The following RAD50 variants were observed in gnomAD, a reference collection of about 807,000 sequenced individuals.
RAD50 encodes the protein RAD50 double strand break repair protein.
In RAD50, 132 loss-of-function variants were observed where a neutral mutation model predicts 168.8. That is an observed-to-expected ratio of 0.78 (90% CI 0.68 to 0.90). The LOEUF (loss-of-function observed/expected upper bound fraction) is 0.90. Ranked by LOEUF, RAD50 falls within the 40% of genes least tolerant of loss-of-function variation. The pLI is 0.00. For synonymous variants in RAD50, 525 were observed against 497.4 expected (o/e 1.06, Z -0.74); for missense variants, 1,347 against 1,534.4 (o/e 0.88, Z 2.04).
At chr5:132,595,167 C>T in intron 12 of RAD50, 123 bp downstream of exon 12, 1 of 1,042,290 alleles carries the variant, frequency 9.6e-7, no homozygotes, top group Non-Finnish European at 1.4e-6. Context: ...GGATTTCAGT[C>T]CTGGCTCTAC....
At chr5:132,557,941 G>C (rs1010900759) in intron 1 of RAD50, among the ~76,000 whole-genome samples, 1 of 151,372 alleles carries the variant, frequency 6.6e-6, no homozygotes, top group Non-Finnish European at 1.5e-5. Flanking sequence ...GATGTAGTGG[G>C]GCTTAACTTG....
chr5:132,580,619 A>T (rs777567691), intron 5 of RAD50, among the ~76,000 whole-genome samples: 13 of 152,224 alleles, frequency 8.5e-5, no homozygotes, highest in Non-Finnish European at 1.6e-4. Context: ...AGAATTTGGA[A>T]TTGATCCATA....
At position 132,643,036 on chromosome 5, in the gene RAD50, G is replaced by A. The variant is rs747831120; in HGVS notation, c.*672G>A. 2 of 529,438 alleles carry A rather than the reference G, an allele frequency of 3.8e-6. No homozygotes were observed. Among genetic ancestry groups the A allele is most frequent in the South Asian group, 3.1e-5 (2 of 65,048 alleles). 32.8% of individuals were successfully genotyped at this position (529,438 alleles called of 1,614,324 possible). On this transcript the variant is annotated 3_prime_UTR_variant, in exon 25 of 25. Coordinates refer to ENST00000378823, the MANE Select transcript of RAD50 (RefSeq NM_005732.4). ...ATCCAGACTCAGAGCTCTCTCTACA[G>A]AGAGGAAATTCTCCACTGTGCACAC... is the stretch of plus-strand genomic sequence containing the variant.
In RAD50 at chr5:132,643,445, A is replaced by G. The variant is rs1378035473; in HGVS notation, c.*1081A>G. On this transcript the variant is annotated 3_prime_UTR_variant, in exon 25 of 25. Coordinates refer to ENST00000378823, the MANE Select transcript of RAD50 (RefSeq NM_005732.4). ...TTGTCATTCAGAGTCAGCCAGGACC[A>G]TACCGGGTCTTGATTCAGTCACATG... is the stretch of plus-strand genomic sequence containing the variant. 2 of 236,140 alleles carry G rather than the reference A, an allele frequency of 8.5e-6. No homozygotes were observed. The highest frequency in any genetic ancestry group is 4.4e-5 in the African/African-American group (2 of 45,824). 14.6% of individuals were successfully genotyped at this position (236,140 alleles called of 1,614,324 possible).
chr5:132,618,474 G>A (rs1253504527), intron 21 of RAD50, among the ~76,000 whole-genome samples, 180 bp downstream of exon 21: 1 of 152,098 alleles, frequency 6.6e-6, no homozygotes, highest in Non-Finnish European at 1.5e-5. Context: ...TGCCTCCCGG[G>A]TTCAAATGAT....
intron 13 of RAD50, among the ~76,000 whole-genome samples, chr5:132,596,124 G>A: frequency 6.6e-6 from 1 of 151,906 alleles, no homozygotes; most frequent in South Asian, 2.1e-4. Flanking sequence ...CTCTTCAGTA[G>A]CTGGGATTAC....
chr5:132,576,199 T>A (rs1750398312), intron 3 of RAD50, among the ~76,000 whole-genome samples: 1 of 152,212 alleles, frequency 6.6e-6, no homozygotes, highest in East Asian at 1.9e-4. Context: ...TTAAATAGAA[T>A]GATCCCATGA....
At chr5:132,571,089 C>T (rs1437989334) in intron 2 of RAD50, among the ~76,000 whole-genome samples, 1 of 151,768 alleles carries the variant, frequency 6.6e-6, no homozygotes, top group East Asian at 1.9e-4. Flanking sequence ...AAGTTCACCT[C>T]TTATATGTGG....
At chr5:132,568,628 A>G (rs576102336) in intron 2 of RAD50, among the ~76,000 whole-genome samples, 1 of 152,348 alleles carries the variant, frequency 6.6e-6, no homozygotes, top group African/African-American at 2.4e-5. Flanking sequence ...AAGAATAATG[A>G]GTATGATTAC....
At chr5:132,561,976 C>T (rs755774089) in intron 2 of RAD50, among the ~76,000 whole-genome samples, 91 of 152,212 alleles carry the variant, frequency 6.0e-4, no homozygotes, top group African/African-American at 2.1e-3. Flanking sequence ...TGCCCTCATT[C>T]TTGAAGCTCT....
chr5:132,597,419 GCTT>G (rs1338376950), intron 13 of RAD50, among the ~76,000 whole-genome samples: 1 of 152,134 alleles, frequency 6.6e-6, no homozygotes, highest in Non-Finnish European at 1.5e-5. Flanking sequence ...AGGTACTATG[GCTT>G]CTTCTGTTCT....
intron 2 of RAD50, among the ~76,000 whole-genome samples, chr5:132,560,612 T>G (rs966227737): frequency 1.3e-5 from 2 of 152,240 alleles, no homozygotes; most frequent in Non-Finnish European, 2.9e-5. Context: ...TGTACATACG[T>G]GCCCATACTG....
In RAD50 at chr5:132,602,025, T is replaced by G. The variant is rs1750898125; in HGVS notation, c.2208-1275T>G. Among the ~76,000 whole-genome samples the G allele has an allele frequency of 2.6e-5, 4 of 152,258 alleles. No homozygotes were observed. The South Asian group carries it at 8.3e-4, about 32-fold the overall frequency. On this transcript the variant is annotated intron_variant, in intron 13 of 24. Coordinates refer to ENST00000378823, the MANE Select transcript of RAD50 (RefSeq NM_005732.4). ...GGATAGCATTAGGAGAAATACCTAA[T>G]GTAGATGATGGGTTCATGGGTGCAG...
intron 22 of RAD50, among the ~76,000 whole-genome samples, chr5:132,637,467 A>G (rs984746673): frequency 6.6e-6 from 1 of 150,884 alleles, no homozygotes; most frequent in East Asian, 1.9e-4. Context: ...TAGTGTAGAT[A>G]GGGATAAGCC....
Position 132,557,040 on chromosome 5 carries a change from G to A in RAD50, c.-285G>A, listed in dbSNP as rs915117151. 1.1e-5 allele frequency: 7 copies of A among 662,284 alleles called. No homozygotes were observed. The highest frequency in any genetic ancestry group is 9.5e-6 in the Non-Finnish European group (4 of 418,900). The allele number at this position is 662,284 out of a possible 1,614,324, so 41.0% of individuals were successfully genotyped here. ...TGCGCGGTTGCGGGGTCGCATTGTG[G>A]CTACGGCTTTGCGTCCCCGGCGGGC... On this transcript the variant is annotated 5_prime_UTR_variant, in exon 1 of 25. Transcript: ENST00000378823.
intron 14 of RAD50, 111 bp from the exon 15 acceptor site, chr5:132,603,809 A>G: frequency 2.8e-6 from 3 of 1,065,716 alleles, no homozygotes; most frequent in Non-Finnish European, 4.1e-6. Context: ...GTATCTAGAA[A>G]TGGTTTATAA....
At chr5:132,620,747 C>G (rs538704418) in intron 21 of RAD50, among the ~76,000 whole-genome samples, 3 of 152,302 alleles carry the variant, frequency 2.0e-5, no homozygotes, top group African/African-American at 7.2e-5. Flanking sequence ...AACTTAACTA[C>G]TAATAGCCTA....
At chr5:132,629,269 C>T (rs1027835214) in intron 21 of RAD50, among the ~76,000 whole-genome samples, 1 of 152,106 alleles carries the variant, frequency 6.6e-6, no homozygotes, top group African/African-American at 2.4e-5. Context: ...TTTCCCTGTC[C>T]CTCCTCCAAA....
intron 14 of RAD50, 77 bp downstream of exon 14, chr5:132,603,566 A>G: frequency 6.9e-7 from 1 of 1,440,110 alleles, no homozygotes; most frequent in Non-Finnish European, 9.7e-7. Context: ...AGTTAAAAAT[A>G]GTAGCTAGTA....
Sources: gnomAD v4.1 joint callset for allele counts (sites outside exome capture counted in the v4.1 genomes callset) on GRCh38, gnomAD v4.1.1 for gene constraint, MANE v1.5 for transcripts, NCBI Gene and HGNC (gene_info 2026-07-23, HGNC 2026-07-21) for gene names.